Variants in GPA33 observed in about 807,000 individuals in gnomAD.
GPA33 encodes the protein glycoprotein A33.
Under a neutral mutation model 35.6 loss-of-function variants are expected in GPA33, and 27 were observed. The ratio of observed to expected loss-of-function variants is 0.76; its 90% CI spans 0.56 to 1.04. GPA33 has a LOEUF of 1.04. GPA33 is among the 50% of genes least tolerant of loss of function. The pLI, the probability that GPA33 is intolerant of heterozygous loss-of-function variation, is 0.00. For synonymous variants in GPA33, 176 were observed against 164.0 expected (o/e 1.07, Z -0.56); for missense variants, 428 against 411.9 (o/e 1.04, Z -0.34).
chr1:167,057,788 T>C (rs568364134), intron 4 of GPA33, among the ~76,000 whole-genome samples: 1 of 152,214 alleles, frequency 6.6e-6, no homozygotes, highest in Non-Finnish European at 1.5e-5. Flanking sequence ...TGGAGTTAAC[T>C]GGAGGCTTAA....
chr1:167,088,756 C>A (rs1000764054), intron 1 of GPA33, among the ~76,000 whole-genome samples: 1 of 152,268 alleles, frequency 6.6e-6, no homozygotes, highest in African/African-American at 2.4e-5. Context: ...GGGTCGCAGC[C>A]AGTCTACAAG....
intron 4 of GPA33, among the ~76,000 whole-genome samples, chr1:167,056,538 CTG>C (rs1666258683): frequency 4.6e-5 from 1 of 21,954 alleles, no homozygotes; most frequent in Non-Finnish European, 1.1e-4. Flanking sequence ...GTGCTGTGCT[CTG>C]TGAGAGTAGT....
At chr1:167,087,041 T>G (rs1571322208) in intron 1 of GPA33, among the ~76,000 whole-genome samples, 1 of 152,202 alleles carries the variant, frequency 6.6e-6, no homozygotes, top group African/African-American at 2.4e-5. Context: ...TTTCATGAAG[T>G]CTGGTGGCTG....
intron 1 of GPA33, among the ~76,000 whole-genome samples, chr1:167,077,723 T>C (rs1036940398): frequency 2.0e-5 from 3 of 152,190 alleles, no homozygotes; most frequent in African/African-American, 7.2e-5. Flanking sequence ...AAGTCAACCA[T>C]CAATGGATGA....
intron 1 of GPA33, among the ~76,000 whole-genome samples, chr1:167,081,043 G>T (rs1273572413): frequency 6.6e-6 from 1 of 152,168 alleles, no homozygotes; most frequent in Admixed American, 6.5e-5. Context: ...AATGGGAGAG[G>T]TCATTTCCCC....
intron 1 of GPA33, among the ~76,000 whole-genome samples, chr1:167,084,119 C>T (rs1008956774): frequency 6.6e-6 from 1 of 152,064 alleles, no homozygotes; most frequent in African/African-American, 2.4e-5. Context: ...GAGTCTTTAT[C>T]CTAATAGTCA....
intron 1 of GPA33, chr1:167,082,181 CAGAG>C (rs138801199): frequency 9.2e-6 from 4 of 435,076 alleles, no homozygotes; most frequent in South Asian, 1.7e-5. Flanking sequence ...CAATCACAGA[CAGAG>C]AGAGAGAGAG....
intron 4 of GPA33, among the ~76,000 whole-genome samples, chr1:167,062,709 C>T (rs990686913): frequency 7.4e-6 from 1 of 134,686 alleles, no homozygotes; most frequent in Non-Finnish European, 1.5e-5. Context: ...CTGCCCAGTA[C>T]AAAACTGGTC....
chr1:167,089,393 A>G (rs184331362), intron 1 of GPA33, among the ~76,000 whole-genome samples: 3 of 152,318 alleles, frequency 2.0e-5, no homozygotes, highest in East Asian at 1.9e-4. Context: ...GAAGCCCTCA[A>G]CAGTGTCTGA....
chr1:167,060,495 T>C (rs1417709657), intron 4 of GPA33, among the ~76,000 whole-genome samples: 1 of 152,208 alleles, frequency 6.6e-6, no homozygotes, highest in Non-Finnish European at 1.5e-5. Flanking sequence ...ATTAACCATA[T>C]TCTTTTCTGT....
intron 2 of GPA33, among the ~76,000 whole-genome samples, chr1:167,070,218 A>G (rs185664412): frequency 6.6e-6 from 1 of 152,356 alleles, no homozygotes; most frequent in Non-Finnish European, 1.5e-5. Flanking sequence ...GGGAAGCAAC[A>G]TATCAACCCC....
At chr1:167,071,634 C>T (rs1571313425) in intron 2 of GPA33, among the ~76,000 whole-genome samples, 1 of 152,192 alleles carries the variant, frequency 6.6e-6, no homozygotes, top group Non-Finnish European at 1.5e-5. Flanking sequence ...GTGTCTCGGG[C>T]TGTGGATCAG....
intron 3 of GPA33, among the ~76,000 whole-genome samples, chr1:167,068,629 T>C (rs1026425318): frequency 2.6e-5 from 4 of 152,168 alleles, no homozygotes; most frequent in Admixed American, 2.6e-4. Context: ...TTGTAATAAG[T>C]GTGGTATGAA....
chr1:167,056,756 GGCGT>G (rs1477909327), intron 4 of GPA33, among the ~76,000 whole-genome samples: 1 of 23,586 alleles, frequency 4.2e-5, no homozygotes, highest in African/African-American at 1.6e-4. Context: ...GTGTGTGTAT[GGCGT>G]GTGTGTGGTG....
At chr1:167,080,538 G>A (rs1284315395) in intron 1 of GPA33, among the ~76,000 whole-genome samples, 2 of 152,074 alleles carry the variant, frequency 1.3e-5, no homozygotes, top group Admixed American at 1.3e-4. Context: ...CACAAACATT[G>A]CAGCCAAACT....
At chr1:167,082,692 T>C (rs1666975234) in intron 1 of GPA33, among the ~76,000 whole-genome samples, 3 of 152,286 alleles carry the variant, frequency 2.0e-5, no homozygotes, top group Middle Eastern at 6.8e-3. Context: ...TGGAGATACA[T>C]TGGTGGACAC....
chr1:167,054,926 T>C (rs889351816), intron 6 of GPA33, 50 bp downstream of exon 6: 3 of 1,601,760 alleles, frequency 1.9e-6, no homozygotes, highest in African/African-American at 1.3e-5. Context: ...GGGAAGCATA[T>C]TTCCAGTCTC....
chr1:167,067,716 C>T (rs1176359595), intron 3 of GPA33, among the ~76,000 whole-genome samples: 1 of 152,096 alleles, frequency 6.6e-6, no homozygotes, highest in Non-Finnish European at 1.5e-5. Flanking sequence ...ATGGTACCTC[C>T]GTGTGATGGA....
intron 4 of GPA33, among the ~76,000 whole-genome samples, chr1:167,063,062 G>A (rs1181680419): frequency 2.6e-5 from 4 of 152,208 alleles, no homozygotes; most frequent in Non-Finnish European, 5.9e-5. Context: ...CATTTACCAC[G>A]GCTTCCGCTA....
Sources: gnomAD v4.1 joint callset for allele counts (sites outside exome capture counted in the v4.1 genomes callset) on GRCh38, gnomAD v4.1.1 for gene constraint, MANE v1.5 for transcripts, NCBI Gene and HGNC (gene_info 2026-07-23, HGNC 2026-07-21) for gene names.